Variants in IFI35 observed in about 807,000 individuals in gnomAD.
The protein encoded by IFI35 is interferon induced protein 35, also known as interferon-induced 35 kDa protein.
A neutral mutation model predicts 28.6 loss-of-function variants in IFI35; 30 were observed. The ratio of observed to expected loss-of-function variants is 1.05; its 90% CI spans 0.79 to 1.43. The LOEUF is 1.43. IFI35 is among the 40% of genes most tolerant of loss of function. The pLI, the probability that IFI35 is intolerant of heterozygous loss-of-function variation, is 0.00. For missense variants in IFI35, 372 were observed against 356.9 expected (o/e 1.04, Z -0.34); for synonymous variants, 146 against 154.8 (o/e 0.94, Z 0.42).
At chr17:43,011,321 C>T (rs911903882) in intron 1 of IFI35, among the ~76,000 whole-genome samples, 17 of 152,094 alleles carry the variant, frequency 1.1e-4, no homozygotes, top group Non-Finnish European at 2.2e-4. Context: ...GAGTTTGAGA[C>T]CAACCTGGCC....
chr17:43,009,775 T>TA (rs749771575), intron 1 of IFI35, among the ~76,000 whole-genome samples: 151 of 146,578 alleles, frequency 1.0e-3, no homozygotes, highest in Middle Eastern at 3.7e-3. Flanking sequence ...AAATAAAAAA[T>TA]AAAAAAAATT....
At position 43,012,263 on chromosome 17, in the gene IFI35, TC is replaced by T; in HGVS notation, c.111del (p.Asp39ThrfsTer28). 2 of 1,570,824 alleles carry T rather than the reference TC, an allele frequency of 1.3e-6. No homozygotes were observed. The highest frequency in any genetic ancestry group is 1.9e-5 in the Admixed American group (1 of 53,536). On this transcript the variant is annotated frameshift_variant, in exon 2 of 7. Coordinates refer to ENST00000415816, the MANE Select transcript of IFI35 (RefSeq NM_001330230.2). LOFTEE classifies it high-confidence loss of function. ...LQQLRKELGD[S>X]PKDKVPFSVP... is the part of the protein sequence containing the mutation. ...GCAGCTGAGAAAGGAGCTCGGGGAC[TC>T]CCCCAAAGACAAGGTAAGGTGGGAG...
chr17:43,006,828 T>C lies in IFI35; in HGVS notation c.-120T>C, dbSNP rs2050411273. 3 of 1,047,078 alleles carry C rather than the reference T, an allele frequency of 2.9e-6. No individual in the cohort carries two copies. Among genetic ancestry groups the C allele is most frequent in the Middle Eastern group, 2.1e-4 (1 of 4,878 alleles). The allele number at this position is 1,047,078 out of a possible 1,614,324, so 64.9% of individuals were successfully genotyped here. Reference sequence around the variant, plus strand: ...GCCTCCTGAGGTGTATTTCGGGTCTTGCTGGGGCTGAGAGAGACCACAGCC... The same window carrying C: ...GCCTCCTGAGGTGTATTTCGGGTCTCGCTGGGGCTGAGAGAGACCACAGCC... On this transcript the variant is annotated 5_prime_UTR_variant, in exon 1 of 7. Coordinates refer to ENST00000415816, the MANE Select transcript of IFI35 (RefSeq NM_001330230.2).
At chr17:43,012,135 G>T in intron 1 of IFI35, 44 bp from the exon 2 acceptor site, 1 of 1,414,478 alleles carries the variant, frequency 7.1e-7, no homozygotes, top group South Asian at 1.3e-5. Flanking sequence ...TTGATTCTCT[G>T]GAAGGGCGGG....
intron 1 of IFI35, 21 bp from the exon 2 acceptor site, chr17:43,012,158 T>G: frequency 3.9e-6 from 6 of 1,526,102 alleles, no homozygotes; most frequent in Non-Finnish European, 5.3e-6. Context: ...GAAGTCTTGT[T>G]GTTTCCTTCT....
At chr17:43,007,073 A>G in intron 1 of IFI35, 105 bp downstream of exon 1, 1 of 1,218,764 alleles carries the variant, frequency 8.2e-7, no homozygotes, top group East Asian at 2.3e-5. Context: ...CACCCTGCCC[A>G]TCTCAGACCT....
At position 43,013,885 on chromosome 17, in the gene IFI35, A is replaced by G. The variant is rs754226732; in HGVS notation, c.669+3A>G. 7.0e-6 allele frequency: 11 copies of G among 1,575,288 alleles called. No individual in the cohort carries two copies. In the South Asian group the frequency reaches 1.2e-4, roughly 18 times the overall value. On this transcript the variant is annotated splice_donor_region_variant and intron_variant, in intron 6 of 6. Transcript: ENST00000415816. Reference sequence around the variant, plus strand: ...ACGGGGAGATCCAGAAGGCTGAGGTAAGCAGGAGGGGTGAAGAACAGGGGC... The same window carrying G: ...ACGGGGAGATCCAGAAGGCTGAGGTGAGCAGGAGGGGTGAAGAACAGGGGC...
chr17:43,010,246 A>G (rs1198790737), intron 1 of IFI35, among the ~76,000 whole-genome samples: 4 of 151,606 alleles, frequency 2.6e-5, no homozygotes, highest in East Asian at 1.9e-4. Context: ...AAAAGAAGAA[A>G]AAAAAAAAAT....
intron 1 of IFI35, among the ~76,000 whole-genome samples, chr17:43,011,848 C>T (rs1034738825): frequency 1.3e-5 from 2 of 152,172 alleles, no homozygotes; most frequent in African/African-American, 2.4e-5. Flanking sequence ...GCCTGAGGGT[C>T]GTACCCTTAT....
chr17:43,008,508 G>A (rs934541366), intron 1 of IFI35, among the ~76,000 whole-genome samples: 18 of 137,634 alleles, frequency 1.3e-4, no homozygotes, highest in African/African-American at 4.9e-4. Context: ...ATGCCACCAC[G>A]CCTGGCTCAT....
At chr17:43,007,667 A>C (rs901785182) in intron 1 of IFI35, among the ~76,000 whole-genome samples, 1 of 149,752 alleles carries the variant, frequency 6.7e-6, no homozygotes, top group African/African-American at 2.5e-5. Flanking sequence ...CTCTACTAAA[A>C]ACACAAAAAT....
At chr17:43,011,361 A>G (rs1049270773) in intron 1 of IFI35, among the ~76,000 whole-genome samples, 1 of 152,110 alleles carries the variant, frequency 6.6e-6, no homozygotes, top group Admixed American at 6.6e-5. Flanking sequence ...TCTACTAAAA[A>G]TACAAAAATG....
chr17:43,008,318 G>C (rs994437382), intron 1 of IFI35, among the ~76,000 whole-genome samples: 1 of 146,554 alleles, frequency 6.8e-6, no homozygotes, highest in Middle Eastern at 3.5e-3. Context: ...ACAGGTGTAA[G>C]CCACCATGCC....
rs2050466365 is a variant in IFI35, at chr17:43,012,241, G to A, written c.84G>A (p.Gln28=). 1 of 1,578,412 alleles carries A rather than the reference G, an allele frequency of 6.3e-7. No homozygotes were observed. The highest frequency in any genetic ancestry group is 8.6e-7 in the Non-Finnish European group (1 of 1,161,766). The change falls in exon 2 of 7, where the codon CAG becomes CAA. Residue 28 remains glutamine (Q), a synonymous_variant. Transcript: ENST00000415816. ...RLKMRLWDLQ[Q]LRKELGDSPK... The stretch of plus-strand genomic sequence containing the variant: ...AGATGAGGCTGTGGGACCTGCAGCA[G>A]CTGAGAAAGGAGCTCGGGGACTCCC...
At chr17:43,007,234 G>A (rs781027822) in intron 1 of IFI35, among the ~76,000 whole-genome samples, 14 of 152,306 alleles carry the variant, frequency 9.2e-5, no homozygotes, top group South Asian at 4.1e-4. Flanking sequence ...GATACTCAGC[G>A]GGTTCTGTGA....
At chr17:43,013,398 G>A (rs765405814) in intron 4 of IFI35, 25 bp downstream of exon 4, 1 of 1,612,560 alleles carries the variant, frequency 6.2e-7, no homozygotes, top group Admixed American at 1.7e-5. Flanking sequence ...GAATCCTGGG[G>A]CATGCAAAGC....
rs953180235 is a variant in IFI35 at position 43,008,333 on chromosome 17, C to G, written c.21+1365C>G. Among the ~76,000 whole-genome samples the G allele has an allele frequency of 2.3e-4, 31 of 135,854 alleles. 1 individual carries two copies. Among genetic ancestry groups the G allele is most frequent in the Non-Finnish European group, 4.2e-4 (27 of 64,198 alleles). The allele number at this position is 135,854 out of a possible 152,430, so 89.1% of individuals were successfully genotyped here. ...ACAGGTGTAAGCCACCATGCCCGGA[C>G]TTTTCTTTCCTTTTTTTTTTTTTTT... On this transcript the variant is annotated intron_variant, in intron 1 of 6. Coordinates refer to ENST00000415816, the MANE Select transcript of IFI35 (RefSeq NM_001330230.2).
intron 1 of IFI35, among the ~76,000 whole-genome samples, chr17:43,007,947 T>G (rs1169051694): frequency 6.7e-6 from 1 of 149,766 alleles, no homozygotes; most frequent in Non-Finnish European, 1.5e-5. Flanking sequence ...TCCCACTGCT[T>G]AGCACCTACA....
In IFI35 at chr17:43,013,625, G is replaced by A. The variant is rs138975410; in HGVS notation, c.525G>A (p.Leu175=). The A allele has an allele frequency of 4.3e-6, 7 of 1,614,142 alleles. No homozygotes were observed. In the African/African-American group the frequency reaches 8.0e-5, roughly 18 times the overall value. Residue 175 remains leucine, a synonymous_variant, in exon 5 of 7, where the codon CTG becomes CTA. Transcript: ENST00000415816. ...GCGATGTGGACGTTCGGGAGCTACT[G>A]CCAGGGAGTGTCATGCTGGGGTTTG... is the stretch of plus-strand genomic sequence containing the variant. The part of the protein sequence containing the change: ...GGGDVDVREL[L]PGSVMLGFAR...
Sources: allele counts gnomAD v4.1 joint callset (sites outside exome capture counted in the v4.1 genomes callset), GRCh38; gene constraint gnomAD v4.1.1; transcripts MANE v1.5; gene names NCBI Gene and HGNC (gene_info 2026-07-23, HGNC 2026-07-21).